Variants in MAP2K4 observed in about 807,000 individuals in gnomAD.
MAP2K4 encodes the protein dual specificity mitogen-activated protein kinase kinase 4.
A neutral mutation model predicts 48.5 loss-of-function variants in MAP2K4; 4 were observed. That is an observed-to-expected ratio of 0.08 (90% CI 0.04 to 0.19). The LOEUF (loss-of-function observed/expected upper bound fraction) is 0.19. MAP2K4 is among the 10% of genes least tolerant of loss of function. MAP2K4 has a pLI of 1.00. For missense variants in MAP2K4, 258 were observed against 493.3 expected (o/e 0.52, Z 4.52); for synonymous variants, 166 against 173.1 (o/e 0.96, Z 0.32).
intron 1 of MAP2K4, among the ~76,000 whole-genome samples, chr17:12,053,093 G>C (rs565379504): frequency 7.7e-4 from 117 of 152,104 alleles, no homozygotes; most frequent in African/African-American, 2.7e-3. Flanking sequence ...AATTCCATTT[G>C]GTTTCAAGAC....
At position 12,142,668 on chromosome 17, in the gene MAP2K4, A is replaced by T. The variant is rs546021188; in HGVS notation, c.*1408A>T. On this transcript the variant is annotated 3_prime_UTR_variant, in exon 11 of 11. Coordinates refer to ENST00000353533, the MANE Select transcript of MAP2K4 (RefSeq NM_003010.4). ...TCGTAGTCCATCACCATTTCTTGGC[A>T]TTGGAATTCTACTGGAAAAAAATAC... is the stretch of plus-strand genomic sequence containing the variant. 8.6e-6 allele frequency: 2 copies of T among 233,030 alleles called. No homozygotes were observed. Among genetic ancestry groups the T allele is most frequent in the African/African-American group, 4.4e-5 (2 of 45,348 alleles). 14.4% of individuals were successfully genotyped at this position (233,030 alleles called of 1,614,324 possible). A position where few individuals can be genotyped will look rare whatever the true frequency, so the allele number is the denominator to read the frequency against.
chr17:12,034,929 A>G (rs1013194818), intron 1 of MAP2K4, among the ~76,000 whole-genome samples: 1 of 152,124 alleles, frequency 6.6e-6, no homozygotes, highest in African/African-American at 2.4e-5. Flanking sequence ...GCTGGCTCAG[A>G]CCTCAGTGAA....
intron 3 of MAP2K4, among the ~76,000 whole-genome samples, chr17:12,087,503 A>AAC (rs774692184): frequency 3.9e-5 from 6 of 152,172 alleles, no homozygotes; most frequent in Non-Finnish European, 8.8e-5. Flanking sequence ...AATGTAATAT[A>AAC]ACACATGCTT....
intron 5 of MAP2K4, among the ~76,000 whole-genome samples, chr17:12,108,838 A>G (rs543450129): frequency 6.6e-6 from 1 of 152,020 alleles, no homozygotes; most frequent in Non-Finnish European, 1.5e-5. Flanking sequence ...TTTAAATTTT[A>G]TAAAAATAAT....
intron 2 of MAP2K4, among the ~76,000 whole-genome samples, chr17:12,063,077 C>G (rs1050831944): frequency 1.4e-4 from 22 of 152,230 alleles, no homozygotes; most frequent in African/African-American, 5.3e-4. Context: ...TATATTGATT[C>G]AGTGAAATCC....
At chr17:12,031,550 A>C (rs1347300737) in intron 1 of MAP2K4, among the ~76,000 whole-genome samples, 1 of 152,212 alleles carries the variant, frequency 6.6e-6, no homozygotes, top group East Asian at 1.9e-4. Flanking sequence ...TACTGGATGC[A>C]TCTTATCAAA....
intron 2 of MAP2K4, among the ~76,000 whole-genome samples, chr17:12,079,564 CCTGT>C (rs1307472541): frequency 1.3e-5 from 2 of 152,134 alleles, no homozygotes; most frequent in Admixed American, 6.5e-5. Flanking sequence ...CTTCCTGGAG[CCTGT>C]CTGCCACAGC....
intron 4 of MAP2K4, among the ~76,000 whole-genome samples, chr17:12,102,690 C>T (rs1377679995): frequency 6.6e-6 from 1 of 152,064 alleles, no homozygotes; most frequent in Non-Finnish European, 1.5e-5. Context: ...ACTGAATATC[C>T]AGCTTCTTTC....
chr17:12,138,128 C>T (rs899521171), intron 9 of MAP2K4, among the ~76,000 whole-genome samples: 1 of 152,096 alleles, frequency 6.6e-6, no homozygotes, highest in African/African-American at 2.4e-5. Flanking sequence ...AAGTTTTAGA[C>T]TCAGACACTC....
In MAP2K4 at chr17:12,128,454, A is replaced by G. The variant is rs1030511430; in HGVS notation, c.892-685A>G. 4.7e-5 allele frequency among the ~76,000 whole-genome samples: 7 copies of G among 150,050 alleles called. No individual in the cohort carries two copies. In the South Asian group the frequency reaches 6.3e-4, roughly 14 times the overall value. The stretch of plus-strand genomic sequence containing the variant: ...TACGATTCACTGGTTATTAGAGAAT[A>G]TTTTTTTTTTGGACCCTTGATAGGA... On this transcript the variant is annotated intron_variant, in intron 8 of 10. Coordinates refer to ENST00000353533, the MANE Select transcript of MAP2K4 (RefSeq NM_003010.4).
chr17:12,133,694 A>C (rs1973112612), intron 9 of MAP2K4, among the ~76,000 whole-genome samples: 1 of 152,180 alleles, frequency 6.6e-6, no homozygotes, highest in African/African-American at 2.4e-5. Flanking sequence ...GAAACTCTGG[A>C]TGGGGATAAG....
intron 4 of MAP2K4, among the ~76,000 whole-genome samples, chr17:12,097,581 CAGAA>C (rs1253006005): frequency 6.6e-6 from 1 of 152,220 alleles, no homozygotes; most frequent in Admixed American, 6.5e-5. Context: ...TTTTATGTCT[CAGAA>C]AGGTTGAAGG....
At chr17:12,050,523 G>A (rs1970105748) in intron 1 of MAP2K4, among the ~76,000 whole-genome samples, 1 of 152,154 alleles carries the variant, frequency 6.6e-6, no homozygotes, top group South Asian at 2.1e-4. Context: ...ACCTTTTGCT[G>A]TTCTATAAAA....
In MAP2K4 at chr17:12,031,402, T is replaced by C. The variant is rs534244079; in HGVS notation, c.115+10401T>C. ...TTGAATTTGTTTAAACACAAAGTTA[T>C]TGTAAGCTTACTTCCTTCATTTTGT... is the stretch of plus-strand genomic sequence containing the variant. On this transcript the variant is annotated intron_variant, in intron 1 of 10. Coordinates refer to ENST00000353533, the MANE Select transcript of MAP2K4 (RefSeq NM_003010.4). Among the ~76,000 whole-genome samples, 13 of 152,360 alleles carry C rather than the reference T, an allele frequency of 8.5e-5. No homozygotes were observed. The South Asian group carries it at 2.3e-3, about 27-fold the overall frequency.
intron 6 of MAP2K4, 55 bp downstream of exon 6, chr17:12,110,481 G>A (rs1283153689): frequency 8.1e-7 from 1 of 1,231,406 alleles, no homozygotes; most frequent in African/African-American, 1.5e-5. Flanking sequence ...CTCCTAATTG[G>A]TGAAACGGTT....
intron 2 of MAP2K4, among the ~76,000 whole-genome samples, chr17:12,064,333 C>T (rs1422345003): frequency 2.0e-5 from 3 of 152,130 alleles, no homozygotes; most frequent in African/African-American, 4.8e-5. Context: ...CCCCCTGCCT[C>T]GGCCTCCCAG....
intron 1 of MAP2K4, among the ~76,000 whole-genome samples, chr17:12,040,038 T>G (rs891089618): frequency 4.6e-5 from 7 of 152,186 alleles, no homozygotes; most frequent in African/African-American, 1.7e-4. Flanking sequence ...TCCAGGTGTG[T>G]TGTTGTATCA....
intron 1 of MAP2K4, among the ~76,000 whole-genome samples, chr17:12,050,295 G>GT (rs1970099133): frequency 6.6e-6 from 1 of 152,188 alleles, no homozygotes; most frequent in Non-Finnish European, 1.5e-5. Flanking sequence ...TTGAACTGCT[G>GT]TTTTGTCTGA....
intron 2 of MAP2K4, among the ~76,000 whole-genome samples, chr17:12,071,546 TTCTCTTCTTG>T (rs1423054436): frequency 6.6e-5 from 10 of 152,144 alleles, no homozygotes; most frequent in Non-Finnish European, 1.3e-4. Context: ...CTTCATATCG[TTCTCTTCTTG>T]TCTCTTCATA....
Sources: allele counts gnomAD v4.1 joint callset (sites outside exome capture counted in the v4.1 genomes callset), GRCh38; gene constraint gnomAD v4.1.1; transcripts MANE v1.5; gene names NCBI Gene and HGNC (gene_info 2026-07-23, HGNC 2026-07-21).